The following ODAD1 variants were observed in gnomAD, a reference collection of about 807,000 sequenced individuals.
ODAD1 encodes outer dynein arm docking complex subunit 1, also known as outer dynein arm-docking complex subunit 1.
ODAD1 carries 49 observed loss-of-function variants against 67.2 expected under a neutral mutation model. The observed-to-expected ratio is 0.73, with a 90% confidence interval of 0.58 to 0.92. The LOEUF (loss-of-function observed/expected upper bound fraction) is 0.92. Ranked by LOEUF, ODAD1 falls within the 40% of genes least tolerant of loss-of-function variation. ODAD1 has a pLI of 0.00. For synonymous variants in ODAD1, 345 were observed against 393.7 expected, an observed-to-expected ratio of 0.88 and a Z score of 1.46; for missense variants, 897 against 953.7, an observed-to-expected ratio of 0.94 and a Z score of 0.78.
chr19:48,296,798 G>A lies in ODAD1; in HGVS notation c.*178C>T, dbSNP rs970313998. On this transcript the variant is annotated 3_prime_UTR_variant, in exon 16 of 16. Transcript: ENST00000674294. ...TGTCAGGAGCAGAGAGAAAGGAACC[G>A]GGAGACACAGGTGAGGCGGTGATGA... 79 of 1,421,664 alleles carry A rather than the reference G, an allele frequency of 5.6e-5. No individual in the cohort carries two copies. The highest frequency in any genetic ancestry group is 5.2e-4 in the Middle Eastern group (2 of 3,868). 88.1% of individuals were successfully genotyped at this position (1,421,664 alleles called of 1,614,324 possible).
At chr19:48,306,434 C>A in intron 7 of ODAD1, 111 bp from the exon 8 acceptor site, 1 of 846,892 alleles carries the variant, frequency 1.2e-6, no homozygotes, top group Non-Finnish European at 1.9e-6. Context: ...TTGAGCCTTC[C>A]AAATGTGGAC....
In ODAD1 at chr19:48,320,296, T is replaced by C. The variant is rs1415959109; in HGVS notation, c.70+3A>G. On this transcript the variant is annotated splice_donor_region_variant and intron_variant, in intron 3 of 15. Coordinates refer to ENST00000674294, the MANE Select transcript of ODAD1 (RefSeq NM_001364171.2). ...TGAATGATATAAAGAATGAATGAAT[T>C]ACCCATTCCCTCCAGAAATGCCTCG... 4 of 1,277,644 alleles carry C rather than the reference T, an allele frequency of 3.1e-6. No homozygotes were observed. Among genetic ancestry groups the C allele is most frequent in the Non-Finnish European group, 4.1e-6 (4 of 978,266 alleles). The allele number at this position is 1,277,644 out of a possible 1,614,324, so 79.1% of individuals were successfully genotyped here. A position where few individuals can be genotyped will look rare whatever the true frequency, so the allele number is the denominator to read the frequency against.
chr19:48,314,155 A>T (rs1968839241), intron 5 of ODAD1, among the ~76,000 whole-genome samples: 1 of 152,148 alleles, frequency 6.6e-6, no homozygotes, highest in Admixed American at 6.6e-5. Context: ...AGGCAGGAGA[A>T]TCGCTTGAAC....
At position 48,298,228 on chromosome 19, in the gene ODAD1, AAT is replaced by A. The variant is rs769435813; in HGVS notation, c.1351_1352del (p.Ile451Ter). 1 of 1,613,942 alleles carries A rather than the reference AAT, an allele frequency of 6.2e-7. No individual in the cohort carries two copies. Among genetic ancestry groups the A allele is most frequent in the Non-Finnish European group, 8.5e-7 (1 of 1,180,010 alleles). ...DRDMGLFLSL[I>X]EKRLVELLTV... Reference sequence around the variant, plus strand: ...TCAGGAGCTCCACCAGCCGCTTCTCAATGAGGCTCAGGAAGAGGCCCATGTCC... The same window carrying A: ...TCAGGAGCTCCACCAGCCGCTTCTCAGAGGCTCAGGAAGAGGCCCATGTCC... On this transcript the variant is annotated frameshift_variant, in exon 13 of 16. Transcript: ENST00000674294. LOFTEE classifies it high-confidence loss of function.
At chr19:48,297,747 G>A in intron 14 of ODAD1, 79 bp from the exon 15 acceptor site, 2 of 1,239,804 alleles carry the variant, frequency 1.6e-6, no homozygotes, top group Admixed American at 6.2e-5. Context: ...CTAAACCCCG[G>A]GAGCCTCAGC....
intron 7 of ODAD1, among the ~76,000 whole-genome samples, chr19:48,306,956 G>C (rs554527688): frequency 2.8e-4 from 42 of 152,192 alleles, no homozygotes; most frequent in Non-Finnish European, 5.3e-4. Flanking sequence ...GCCAAGACGG[G>C]AGGATCACCT....
rs1017545997 is a variant in ODAD1, at chr19:48,302,610, G to A, written c.1240+84C>T. ...TAAGCAAGTGAACCAGGTTGTCCAT[G>A]CAATGCCTCCAAGCCCCGCGGGCTG... On this transcript the variant is annotated intron_variant, in intron 12 of 15. Transcript: ENST00000674294. 15 of 1,171,918 alleles carry A rather than the reference G, an allele frequency of 1.3e-5. No homozygotes were observed. The African/African-American group carries it at 1.5e-4, about 12-fold the overall frequency. 72.6% of individuals were successfully genotyped at this position (1,171,918 alleles called of 1,614,324 possible).
intron 7 of ODAD1, among the ~76,000 whole-genome samples, chr19:48,311,193 C>T (rs1019326265): frequency 1.3e-5 from 2 of 152,090 alleles, no homozygotes; most frequent in African/African-American, 4.8e-5. Context: ...GCCTGGACGA[C>T]AGAGTGAGAC....
chr19:48,297,479 C>T lies in ODAD1; in HGVS notation c.1621G>A (p.Asp541Asn). 6 of 1,602,546 alleles carry T rather than the reference C, an allele frequency of 3.7e-6. No individual in the cohort carries two copies. Among genetic ancestry groups the T allele is most frequent in the Non-Finnish European group, 5.1e-6 (6 of 1,176,940 alleles). The change falls in exon 16 of 16, where the codon GAC (aspartate) becomes AAC (asparagine). Residue 541 changes from aspartate (D) to asparagine (N), a missense_variant. Transcript: ENST00000674294. ...QEQAEAQRQK[D>N]LAAAAAKLDG... ...AGCTTCGCGGCGGCGGCGGCCAGGTCCTTCTGGCGCTGCGCCTCCGCCTGC... is the reference window on the plus strand; with the variant it reads ...AGCTTCGCGGCGGCGGCGGCCAGGTTCTTCTGGCGCTGCGCCTCCGCCTGC...
chr19:48,311,758 G>T, intron 6 of ODAD1, 92 bp from the exon 7 acceptor site: 1 of 884,990 alleles, frequency 1.1e-6, no homozygotes, highest in Non-Finnish European at 1.8e-6. Context: ...CTTATCAGAG[G>T]TTGGGCCGGC....
chr19:48,313,199 T>C (rs1968810797), intron 5 of ODAD1, among the ~76,000 whole-genome samples: 1 of 151,488 alleles, frequency 6.6e-6, no homozygotes, highest in Non-Finnish European at 1.5e-5. Context: ...GAGGCAGAGG[T>C]GGGTGAATCA....
intron 3 of ODAD1, 152 bp downstream of exon 3, chr19:48,320,147 T>C (rs1276600464): frequency 2.3e-6 from 2 of 882,212 alleles, no homozygotes; most frequent in East Asian, 9.0e-5. Context: ...CCCACCGTGG[T>C]GCCCGCCCCG....
chr19:48,313,556 G>A (rs1478642967), intron 5 of ODAD1, among the ~76,000 whole-genome samples: 2 of 152,060 alleles, frequency 1.3e-5, no homozygotes, highest in African/African-American at 4.8e-5. Context: ...AATTAAGGTG[G>A]GCCCTAATCC....
At chr19:48,309,718 G>A (rs187405928) in intron 7 of ODAD1, among the ~76,000 whole-genome samples, 1 of 152,166 alleles carries the variant, frequency 6.6e-6, no homozygotes, top group Non-Finnish European at 1.5e-5. Context: ...GGTGTGTCAG[G>A]GGACAAGATA....
chr19:48,311,936 C>G (rs1376914206), intron 6 of ODAD1, 58 bp downstream of exon 6: 1 of 1,501,094 alleles, frequency 6.7e-7, no homozygotes, highest in Non-Finnish European at 9.0e-7. Context: ...AATGACCATG[C>G]CCAGTTCTTC....
At position 48,312,179 on chromosome 19, in the gene ODAD1, A is replaced by G. The variant is rs1968781207; in HGVS notation, c.361-63T>C. On this transcript the variant is annotated intron_variant, in intron 5 of 15. Coordinates refer to ENST00000674294, the MANE Select transcript of ODAD1 (RefSeq NM_001364171.2). Reference sequence around the variant, plus strand: ...GAATGTGGGAGAGATTGAATGGCCCAGGGAAAATGAGTCACTAAGCATGGC... The same window carrying G: ...GAATGTGGGAGAGATTGAATGGCCCGGGGAAAATGAGTCACTAAGCATGGC... The G allele has an allele frequency of 2.3e-6, 3 of 1,284,458 alleles. No homozygotes were observed. In the East Asian group the frequency reaches 7.7e-5, roughly 33 times the overall value. The allele number at this position is 1,284,458 out of a possible 1,614,324, so 79.6% of individuals were successfully genotyped here.
chr19:48,312,170 G>A, intron 5 of ODAD1, 54 bp from the exon 6 acceptor site: 1 of 1,441,672 alleles, frequency 6.9e-7, no homozygotes, highest in East Asian at 2.5e-5. Context: ...GGGAGAGATT[G>A]AATGGCCCAG....
chr19:48,316,022 G>T (rs1424246691), intron 5 of ODAD1, among the ~76,000 whole-genome samples: 2 of 152,086 alleles, frequency 1.3e-5, no homozygotes, highest in Non-Finnish European at 2.9e-5. Context: ...TTTCCTCTTG[G>T]CTAAACATCT....
Position 48,321,783 on chromosome 19 carries a change from C to G in ODAD1, c.-169G>C. The G allele has an allele frequency of 2.5e-6, 1 of 398,644 alleles. No individual in the cohort carries two copies. Among genetic ancestry groups the G allele is most frequent in the Non-Finnish European group, 4.4e-6 (1 of 226,058 alleles). The allele number at this position is 398,644 out of a possible 1,614,324, so 24.7% of individuals were successfully genotyped here. Reference sequence around the variant, plus strand: ...AAGACGGAGCCCGAGAGGTGCCGGTCTTAAGCTGACTGTGACCACGTTAAA... The same window carrying G: ...AAGACGGAGCCCGAGAGGTGCCGGTGTTAAGCTGACTGTGACCACGTTAAA... On this transcript the variant is annotated 5_prime_UTR_variant, in exon 1 of 16. Coordinates refer to ENST00000674294, the MANE Select transcript of ODAD1 (RefSeq NM_001364171.2).
Sources: allele counts gnomAD v4.1 joint callset (sites outside exome capture counted in the v4.1 genomes callset), GRCh38; gene constraint gnomAD v4.1.1; transcripts MANE v1.5; gene names NCBI Gene and HGNC (gene_info 2026-07-23, HGNC 2026-07-21).